The following NAALADL2 variants were observed in gnomAD, a reference collection of about 807,000 sequenced individuals.
NAALADL2 encodes inactive N-acetylated-alpha-linked acidic dipeptidase-like protein 2.
Under a neutral mutation model 87.2 loss-of-function variants are expected in NAALADL2, and 76 were observed. The ratio of observed to expected loss-of-function variants is 0.87; its 90% CI spans 0.72 to 1.05. The LOEUF is 1.05. Ranked by LOEUF, NAALADL2 falls within the 50% of genes least tolerant of loss-of-function variation. NAALADL2 has a pLI of 0.00. For synonymous variants in NAALADL2, 354 were observed against 331.0 expected (o/e 1.07, Z -0.75); for missense variants, 1,089 against 945.8 (o/e 1.15, Z -1.99).
chr3:174,495,366 C>G (rs965879466), intron 1 of NAALADL2, among the ~76,000 whole-genome samples: 8 of 151,518 alleles, frequency 5.3e-5, no homozygotes, highest in Admixed American at 3.3e-4. Flanking sequence ...GGCTTATATA[C>G]CAGTTCAATT....
chr3:174,931,982 T>G (rs1412427859), intron 1 of NAALADL2, among the ~76,000 whole-genome samples: 1 of 152,206 alleles, frequency 6.6e-6, no homozygotes, highest in Non-Finnish European at 1.5e-5. Flanking sequence ...TCAACAATTT[T>G]TATGTGTTTT....
At chr3:175,619,217 GAGAA>G (rs1219347719) in intron 10 of NAALADL2, among the ~76,000 whole-genome samples, 4 of 128,538 alleles carry the variant, frequency 3.1e-5, no homozygotes, top group African/African-American at 8.7e-5. Flanking sequence ...AAAAAAAAGA[GAGAA>G]AGAGAGAAAG....
intron 1 of NAALADL2, among the ~76,000 whole-genome samples, chr3:174,449,126 G>T (rs1046600243): frequency 6.6e-6 from 1 of 152,146 alleles, no homozygotes; most frequent in Admixed American, 6.5e-5. Flanking sequence ...TTCGAGGTTA[G>T]ACATTCATGT....
At chr3:175,046,738 A>G (rs1428747119) in intron 1 of NAALADL2, among the ~76,000 whole-genome samples, 5 of 152,158 alleles carry the variant, frequency 3.3e-5, no homozygotes, top group African/African-American at 1.2e-4. Context: ...TTCAAGAACA[A>G]CAGCCAGCTT....
intron 9 of NAALADL2, among the ~76,000 whole-genome samples, chr3:175,509,593 T>G (rs773038264): frequency 2.0e-5 from 3 of 152,242 alleles, no homozygotes; most frequent in Non-Finnish European, 4.4e-5. Flanking sequence ...TATTTGAAAT[T>G]TCTGCTATAG....
intron 1 of NAALADL2, among the ~76,000 whole-genome samples, chr3:174,494,869 G>T (rs1253468481): frequency 1.3e-5 from 2 of 152,152 alleles, no homozygotes; most frequent in Admixed American, 1.3e-4. Context: ...AGCAGGGTTT[G>T]CAGGAGAAAG....
intron 13 of NAALADL2, among the ~76,000 whole-genome samples, chr3:175,769,041 T>A (rs1749126827): frequency 6.6e-6 from 1 of 152,186 alleles, no homozygotes; most frequent in Non-Finnish European, 1.5e-5. Flanking sequence ...GATTAATGCC[T>A]ATGGCTTGGG....
intron 4 of NAALADL2, among the ~76,000 whole-genome samples, chr3:175,289,643 T>C (rs1755410308): frequency 6.6e-6 from 1 of 152,076 alleles, no homozygotes; most frequent in African/African-American, 2.4e-5. Context: ...TTAAAATTTC[T>C]GCTCTTAAAA....
intron 1 of NAALADL2, among the ~76,000 whole-genome samples, chr3:174,934,154 A>G (rs1004898551): frequency 6.6e-6 from 1 of 152,190 alleles, no homozygotes; most frequent in African/African-American, 2.4e-5. Context: ...TTCTTCTACT[A>G]CTACTACTGA....
intron 4 of NAALADL2, among the ~76,000 whole-genome samples, chr3:175,311,401 A>C (rs1251837008): frequency 6.6e-6 from 1 of 152,190 alleles, no homozygotes; most frequent in East Asian, 1.9e-4. Context: ...TTATGAAGAC[A>C]CATTTCTGTC....
chr3:174,632,735 A>T (rs187880369), intron 2 of NAALADL2, among the ~76,000 whole-genome samples: 2 of 152,158 alleles, frequency 1.3e-5, no homozygotes, highest in African/African-American at 2.4e-5. Context: ...GGAGATCGAG[A>T]CCATCCTGGT....
At chr3:175,363,011 TTTCTC>T (rs1765199849) in intron 5 of NAALADL2, among the ~76,000 whole-genome samples, 1 of 147,736 alleles carries the variant, frequency 6.8e-6, no homozygotes, top group African/African-American at 2.5e-5. Context: ...TTTCTTTACT[TTTCTC>T]TTCTGTTATC....
intron 13 of NAALADL2, chr3:175,772,997 GTTCTT>G (rs750542178): frequency 1.4e-4 from 21 of 152,232 alleles, no homozygotes; most frequent in Non-Finnish European, 2.6e-4. Flanking sequence ...TTGTGTTATT[GTTCTT>G]TTCAGCTGGG....
Position 174,739,524 on chromosome 3 carries a change from G to A in NAALADL2, c.-9+1778G>A, listed in dbSNP as rs139589247. 1.4e-4 allele frequency among the ~76,000 whole-genome samples: 21 copies of A among 152,026 alleles called. No homozygotes were observed. The East Asian group carries it at 3.9e-3, about 28-fold the overall frequency. On this transcript the variant is annotated intron_variant, in intron 3 of 3. Coordinates refer to the NAALADL2 transcript ENST00000434257. ...TTATAGAGCTTTTCAGTTCATGATC[G>A]TATGTAGACAGATTTGAGTTACTTC...
intron 11 of NAALADL2, among the ~76,000 whole-genome samples, chr3:175,693,817 G>A (rs1737371204): frequency 6.6e-6 from 1 of 152,004 alleles, no homozygotes; most frequent in South Asian, 2.1e-4. Flanking sequence ...TCCTGCCTCA[G>A]CCTCCCAAGT....
At chr3:175,559,529 G>T (rs1051103222) in intron 9 of NAALADL2, among the ~76,000 whole-genome samples, 1 of 152,090 alleles carries the variant, frequency 6.6e-6, no homozygotes, top group African/African-American at 2.4e-5. Context: ...CATCTCACAG[G>T]AAAGGCTTTA....
At chr3:175,492,634 AT>A (rs1728265722) in intron 9 of NAALADL2, among the ~76,000 whole-genome samples, 2 of 152,176 alleles carry the variant, frequency 1.3e-5, no homozygotes, top group African/African-American at 4.8e-5. Context: ...GTTCACATTC[AT>A]TTAACCCATT....
intron 2 of NAALADL2, among the ~76,000 whole-genome samples, chr3:174,588,205 A>G (rs1191630323): frequency 2.0e-5 from 3 of 152,148 alleles, no homozygotes; most frequent in Non-Finnish European, 2.9e-5. Context: ...TTCTCGTGCC[A>G]TGGTTTTCAG....
intron 10 of NAALADL2, among the ~76,000 whole-genome samples, chr3:175,608,504 A>G (rs1724099032): frequency 6.6e-6 from 1 of 151,866 alleles, no homozygotes; most frequent in African/African-American, 2.4e-5. Flanking sequence ...CAGACACAGG[A>G]GGTACTTTTG....
Sources: gnomAD v4.1 joint callset for allele counts (sites outside exome capture counted in the v4.1 genomes callset) on GRCh38, gnomAD v4.1.1 for gene constraint, MANE v1.5 for transcripts, NCBI Gene and HGNC (gene_info 2026-07-23, HGNC 2026-07-21) for gene names.